SPACA7: variants seen among roughly 807,000 people sequenced by gnomAD.
SPACA7 encodes the protein sperm acrosome associated 7, also known as sperm acrosome-associated protein 7.
Under a neutral mutation model 26.3 loss-of-function variants are expected in SPACA7, and 19 were observed. The ratio of observed to expected loss-of-function variants is 0.72; its 90% CI spans 0.50 to 1.06. The LOEUF (loss-of-function observed/expected upper bound fraction) is 1.06. Among genes scored for constraint, SPACA7 ranks in the 50% least tolerant of loss-of-function variants. The pLI is 0.00. For missense variants in SPACA7, 211 were observed against 229.9 expected (o/e 0.92, Z 0.53); for synonymous variants, 84 against 84.5 (o/e 0.99, Z 0.04).
chr13:112,382,406 C>A, intron 1 of SPACA7: 1 of 1,546,208 alleles, frequency 6.5e-7, no homozygotes, highest in Non-Finnish European at 8.7e-7. Context: ...CCAATAACAC[C>A]TTAATCTTCA....
At chr13:112,417,300 T>G (rs1386633996) in intron 5 of SPACA7, among the ~76,000 whole-genome samples, 1 of 152,164 alleles carries the variant, frequency 6.6e-6, no homozygotes, top group Non-Finnish European at 1.5e-5. Context: ...TGTATTATAT[T>G]TTCTTATTAT....
chr13:112,424,683 A>G (rs982035082), intron 5 of SPACA7, among the ~76,000 whole-genome samples: 1 of 152,162 alleles, frequency 6.6e-6, no homozygotes, highest in Non-Finnish European at 1.5e-5. Flanking sequence ...AGCCTGAGTT[A>G]TGCCTTTTAA....
intron 1 of SPACA7, among the ~76,000 whole-genome samples, chr13:112,389,568 C>A (rs565114766): frequency 3.9e-5 from 6 of 152,276 alleles, no homozygotes; most frequent in African/African-American, 1.4e-4. Flanking sequence ...TTTAATCAAG[C>A]ACATCTTTTT....
chr13:112,400,506 T>C (rs1183959673), intron 4 of SPACA7, among the ~76,000 whole-genome samples: 2 of 152,178 alleles, frequency 1.3e-5, no homozygotes, highest in East Asian at 3.8e-4. Flanking sequence ...CTACTAGGGA[T>C]TACTATAGTC....
intron 5 of SPACA7, among the ~76,000 whole-genome samples, chr13:112,407,891 C>T (rs1021984240): frequency 6.6e-6 from 1 of 152,120 alleles, no homozygotes; most frequent in African/African-American, 2.4e-5. Flanking sequence ...CATCCTGATA[C>T]CAAAGGCTGA....
Position 112,398,133 on chromosome 13 carries a change from C to G in SPACA7, c.236C>G (p.Pro79Arg), listed in dbSNP as rs139687710. The change falls in exon 3 of 7, where the codon CCG becomes CGG. Residue 79 changes from proline (P) to arginine (R), a missense_variant. By Grantham distance (103) the Pro-to-Arg change is moderately radical (BLOSUM62 -2). Coordinates refer to ENST00000283550, the MANE Select transcript of SPACA7 (RefSeq NM_145248.5). ...MPSTASTLST[P>R]LHAGIDENYQ... ...AGTACAGCATCAACATTATCAACACCGTTACGTAAGGAGAAAAGCAAGCAC... is the reference window on the plus strand; with the variant it reads ...AGTACAGCATCAACATTATCAACACGGTTACGTAAGGAGAAAAGCAAGCAC... The G allele has an allele frequency of 3.7e-6, 6 of 1,612,772 alleles. No homozygotes were observed. The highest frequency in any genetic ancestry group is 2.7e-5 in the African/African-American group (2 of 75,010).
At chr13:112,393,755 A>C (rs1449285756) in intron 2 of SPACA7, among the ~76,000 whole-genome samples, 1 of 152,206 alleles carries the variant, frequency 6.6e-6, no homozygotes, top group Non-Finnish European at 1.5e-5. Context: ...GATGAGGCCA[A>C]AGCGGGCAGA....
At chr13:112,432,084 A>G (rs1029212786) in intron 5 of SPACA7, among the ~76,000 whole-genome samples, 14 of 152,236 alleles carry the variant, frequency 9.2e-5, no homozygotes, top group Non-Finnish European at 1.8e-4. Context: ...TCAGATCCAC[A>G]GAAGGGAGCC....
chr13:112,377,094 G>A (rs1189013395), intron 1 of SPACA7, among the ~76,000 whole-genome samples: 2 of 152,208 alleles, frequency 1.3e-5, no homozygotes, highest in East Asian at 3.8e-4. Flanking sequence ...AGGGAAAGTG[G>A]AGATTTGCAG....
chr13:112,398,015 C>T lies in SPACA7; in HGVS notation c.152-34C>T, dbSNP rs1302492919. 11 of 1,500,906 alleles carry T rather than the reference C, an allele frequency of 7.3e-6. 1 individual carries two copies. Among genetic ancestry groups the T allele is most frequent in the South Asian group, 3.4e-5 (3 of 88,282 alleles). The allele number at this position is 1,500,906 out of a possible 1,614,324, so 93.0% of individuals were successfully genotyped here. ...GAGCCAAGGGCCAGCCCTGCAGGGC[C>T]GACTCTAACGTGATCTTGTGTGCTT... On this transcript the variant is annotated intron_variant, in intron 2 of 6. Transcript: ENST00000283550.
At chr13:112,400,463 A>C (rs1885566456) in intron 4 of SPACA7, among the ~76,000 whole-genome samples, 1 of 152,066 alleles carries the variant, frequency 6.6e-6, no homozygotes. Flanking sequence ...TCCCCTGTTT[A>C]TGTATTCGGT....
intron 1 of SPACA7, among the ~76,000 whole-genome samples, chr13:112,383,207 A>G (rs11617547): frequency 3.5e-5 from 5 of 144,060 alleles, no homozygotes; most frequent in Non-Finnish European, 7.9e-5. Context: ...AGAAAGAAAG[A>G]AAGGAAAGAA....
intron 6 of SPACA7, 114 bp from the exon 7 acceptor site, chr13:112,434,371 T>C: frequency 1.2e-6 from 1 of 863,390 alleles, no homozygotes; most frequent in Non-Finnish European, 1.9e-6. Context: ...CTCCCCTCCC[T>C]CCACAACTGA....
intron 1 of SPACA7, among the ~76,000 whole-genome samples, chr13:112,390,406 A>G (rs139411973): frequency 1.4e-3 from 211 of 152,274 alleles, no homozygotes; most frequent in African/African-American, 3.5e-3. Flanking sequence ...CCCACGTGCA[A>G]TTGAGCTCCA....
At chr13:112,382,517 G>A in intron 1 of SPACA7, 1 of 1,549,928 alleles carries the variant, frequency 6.5e-7, no homozygotes, top group Non-Finnish European at 8.7e-7. Context: ...GGTGAGAACA[G>A]TGGAACCGTT....
intron 5 of SPACA7, among the ~76,000 whole-genome samples, chr13:112,401,983 C>G (rs989204875): frequency 6.6e-6 from 1 of 152,202 alleles, no homozygotes; most frequent in Non-Finnish European, 1.5e-5. Flanking sequence ...TGTATTTTAA[C>G]CTCTGGGACA....
At chr13:112,396,152 G>A (rs1271716735) in intron 2 of SPACA7, among the ~76,000 whole-genome samples, 2 of 142,186 alleles carry the variant, frequency 1.4e-5, no homozygotes, top group East Asian at 3.9e-4. Context: ...GTCCCCAGGA[G>A]GCCACTCCCG....
intron 5 of SPACA7, among the ~76,000 whole-genome samples, chr13:112,404,384 T>G (rs1422897580): frequency 6.6e-6 from 1 of 152,254 alleles, no homozygotes; most frequent in Admixed American, 6.5e-5. Flanking sequence ...TTCACTCTGC[T>G]GATTATTTCT....
chr13:112,386,649 G>C (rs1269644069), intron 1 of SPACA7, among the ~76,000 whole-genome samples: 1 of 152,028 alleles, frequency 6.6e-6, no homozygotes, highest in Non-Finnish European at 1.5e-5. Flanking sequence ...AGTTGACTGA[G>C]AAGAAAAATA....
Sources: allele counts gnomAD v4.1 joint callset (sites outside exome capture counted in the v4.1 genomes callset), GRCh38; gene constraint gnomAD v4.1.1; transcripts MANE v1.5; gene names NCBI Gene and HGNC (gene_info 2026-07-23, HGNC 2026-07-21).